The following ZFC3H1 variants were observed in gnomAD, a reference collection of about 807,000 sequenced individuals.
ZFC3H1 encodes zinc finger C3H1 domain-containing protein.
A neutral mutation model predicts 243.7 loss-of-function variants in ZFC3H1; 71 were observed. The ratio of observed to expected loss-of-function variants is 0.29; its 90% CI spans 0.24 to 0.36. The LOEUF is 0.36. Ranked by LOEUF, ZFC3H1 falls within the 10% of genes least tolerant of loss-of-function variation. ZFC3H1 has a pLI of 1.00. For missense variants in ZFC3H1, 1,966 were observed against 2,317.1 expected, an observed-to-expected ratio of 0.85 and a Z score of 3.11; for synonymous variants, 838 against 813.0, an observed-to-expected ratio of 1.03 and a Z score of -0.52.
At position 71,663,555 on chromosome 12, in the gene ZFC3H1, TC is replaced by T; in HGVS notation, c.55del (p.Glu19LysfsTer65). On this transcript the variant is annotated frameshift_variant, in exon 1 of 35. Transcript: ENST00000378743. LOFTEE classifies it high-confidence loss of function. ...GATTTCCCCATCTTCAAGCTCCCCT[TC>T]TTCCTTCGGCGAGAGGCCACTGGAG... is the stretch of plus-strand genomic sequence containing the variant. ...PASSGLSPKEEGELEDGEISD... is the reference protein window; with the variant it reads ...PASSGLSPKEXGELEDGEISD... The T allele has an allele frequency of 6.2e-7, 1 of 1,613,314 alleles. No individual in the cohort carries two copies. Among genetic ancestry groups the T allele is most frequent in the Non-Finnish European group, 8.5e-7 (1 of 1,180,032 alleles).
intron 6 of ZFC3H1, among the ~76,000 whole-genome samples, chr12:71,638,987 G>A (rs189000258): frequency 2.8e-4 from 43 of 152,276 alleles, no homozygotes; most frequent in African/African-American, 9.4e-4. Flanking sequence ...CATATAAGCT[G>A]TGTTGAAAGT....
chr12:71,612,650 A>G lies in ZFC3H1; in HGVS notation c.5627+685T>C, dbSNP rs573685253. ...CCTTTAAAACATAAGGGAACATTTC[A>G]TAAATATTTTAGGCATCTTATGATC... On this transcript the variant is annotated intron_variant, in intron 31 of 34. Transcript: ENST00000378743. Among the ~76,000 whole-genome samples the G allele has an allele frequency of 1.5e-4, 23 of 152,320 alleles. No individual in the cohort carries two copies. In the South Asian group the frequency reaches 4.8e-3, roughly 32 times the overall value.
intron 27 of ZFC3H1, among the ~76,000 whole-genome samples, chr12:71,617,549 C>T (rs1174885151): frequency 6.6e-6 from 1 of 152,138 alleles, no homozygotes; most frequent in Non-Finnish European, 1.5e-5. Flanking sequence ...CATTAGTTAC[C>T]AAGGCAGAAA....
At position 71,633,427 on chromosome 12, in the gene ZFC3H1, A is replaced by G; in HGVS notation, c.2522T>C (p.Met841Thr). The G allele has an allele frequency of 6.4e-7, 1 of 1,566,394 alleles. No homozygotes were observed. The highest frequency in any genetic ancestry group is 1.4e-5 in the African/African-American group (1 of 72,832). Residue 841 changes from methionine to threonine, a missense_variant, in exon 13 of 35, where the codon ATG becomes ACG. This residue lies in a region of ZFC3H1 where 1,383 missense variants were observed against 1,723.7 expected (regional missense o/e 0.80). Transcript: ENST00000378743. ...ATTCTTTAAAACAGATTCATCTTTCATCAAGAGAATCCTAAATGAGAAATA... is the reference window on the plus strand; with the variant it reads ...ATTCTTTAAAACAGATTCATCTTTCGTCAAGAGAATCCTAAATGAGAAATA... ...SKLKKHRILL[M>T]KDESVLKNLV...
rs772267609 is a variant in ZFC3H1, at chr12:71,636,510, G to A, written c.2080C>T (p.Leu694Phe). The change falls in exon 9 of 35, where the codon CTT becomes TTT. Residue 694 changes from leucine (L) to phenylalanine (F), a missense_variant. Physicochemically the swap from Leu to Phe is conservative, Grantham distance 22. Around this residue, in one of 4 missense-constraint regions of ZFC3H1, gnomAD observed 1,383 missense variants for 1,723.7 expected, o/e 0.80. Coordinates refer to ENST00000378743, the MANE Select transcript of ZFC3H1 (RefSeq NM_144982.5). ...QNPKFHRGPR[L>F]PRTVISLPKH... ...TTTACCGAGATCACAGTTCGTGGAA[G>A]ACGGGGTCCTCTGTGAAACTTTGGA... 49 of 1,607,162 alleles carry A rather than the reference G, an allele frequency of 3.0e-5. No homozygotes were observed. Among genetic ancestry groups the A allele is most frequent in the Non-Finnish European group, 4.1e-5 (48 of 1,177,642 alleles).
Position 71,663,278 on chromosome 12 carries a change from C to A in ZFC3H1, c.333G>T (p.Arg111=). ...GCATCCGTACAGAAGGCGGATGAGACCGGAACGGTTCTTTGGGTCGGTAGC... is the reference window on the plus strand; with the variant it reads ...GCATCCGTACAGAAGGCGGATGAGAACGGAACGGTTCTTTGGGTCGGTAGC... ...PSSYRPKEPF[R]SHPPSVRMPS... Residue 111 remains arginine, a synonymous_variant, in exon 1 of 35, where the codon CGG becomes CGT. Coordinates refer to ENST00000378743, the MANE Select transcript of ZFC3H1 (RefSeq NM_144982.5). 6.2e-7 allele frequency: 1 copy of A among 1,613,566 alleles called. No homozygotes were observed. The highest frequency in any genetic ancestry group is 8.5e-7 in the Non-Finnish European group (1 of 1,180,040).
At chr12:71,638,997 T>C (rs773944650) in intron 6 of ZFC3H1, among the ~76,000 whole-genome samples, 3 of 152,184 alleles carry the variant, frequency 2.0e-5, no homozygotes, top group Non-Finnish European at 4.4e-5. Flanking sequence ...GTGTTGAAAG[T>C]AAATAAAACT....
At chr12:71,662,001 T>A (rs574327112) in intron 1 of ZFC3H1, among the ~76,000 whole-genome samples, 10 of 152,364 alleles carry the variant, frequency 6.6e-5, no homozygotes, top group African/African-American at 2.2e-4. Context: ...GTCATTACTT[T>A]TAAGTTTCAT....
intron 19 of ZFC3H1, 138 bp from the exon 20 acceptor site, chr12:71,629,175 A>G: frequency 1.4e-6 from 1 of 700,798 alleles, no homozygotes; most frequent in Non-Finnish European, 2.1e-6. Flanking sequence ...TTTTTTTTTG[A>G]GATGGAAGTC....
At position 71,610,588 on chromosome 12, in the gene ZFC3H1, G is replaced by A. The variant is rs752486633; in HGVS notation, c.5833-23C>T. The A allele has an allele frequency of 9.3e-6, 15 of 1,612,806 alleles. No individual in the cohort carries two copies. The South Asian group carries it at 1.6e-4, about 18-fold the overall frequency. Reference sequence around the variant, plus strand: ...TTGCTGTAAAAGACAGGGAAGCATAGAAGTAAGACTTAGCTAGAGTTTGAG... The same window carrying A: ...TTGCTGTAAAAGACAGGGAAGCATAAAAGTAAGACTTAGCTAGAGTTTGAG... On this transcript the variant is annotated intron_variant, in intron 34 of 34. Coordinates refer to ENST00000378743, the MANE Select transcript of ZFC3H1 (RefSeq NM_144982.5).
intron 2 of ZFC3H1, among the ~76,000 whole-genome samples, chr12:71,652,640 G>A (rs957451531): frequency 5.3e-5 from 8 of 152,234 alleles, no homozygotes; most frequent in African/African-American, 1.9e-4. Flanking sequence ...TCCTTCCCGT[G>A]TTACTCCAGG....
At chr12:71,634,963 T>C in intron 10 of ZFC3H1, 138 bp from the exon 11 acceptor site, 1 of 1,084,388 alleles carries the variant, frequency 9.2e-7, no homozygotes. Context: ...TTTCTATTCT[T>C]TTTTCTAAAA....
intron 4 of ZFC3H1, among the ~76,000 whole-genome samples, chr12:71,644,653 C>T (rs1231938164): frequency 6.6e-6 from 1 of 152,008 alleles, no homozygotes; most frequent in Non-Finnish European, 1.5e-5. Context: ...CCCGTCTCTA[C>T]TAAAAATACA....
At position 71,626,223 on chromosome 12, in the gene ZFC3H1, C is replaced by T. The variant is rs544929202; in HGVS notation, c.4317+37G>A. 7 of 1,601,282 alleles carry T rather than the reference C, an allele frequency of 4.4e-6. No individual in the cohort carries two copies. In the African/African-American group the frequency reaches 8.0e-5, roughly 18 times the overall value. On this transcript the variant is annotated intron_variant, in intron 22 of 34. Coordinates refer to ENST00000378743, the MANE Select transcript of ZFC3H1 (RefSeq NM_144982.5). ...CCAAATAATTATACACACACACACA[C>T]ACACACACACACACGTACGTTATCT...
At chr12:71,628,843 G>A in intron 20 of ZFC3H1, 75 bp downstream of exon 20, 2 of 1,467,588 alleles carry the variant, frequency 1.4e-6, no homozygotes, top group South Asian at 1.5e-5. Context: ...TACACCAAAG[G>A]ATTAGCAAAG....
chr12:71,613,580 C>T (rs1419787214), intron 30 of ZFC3H1, 145 bp from the exon 31 acceptor site: 1 of 510,792 alleles, frequency 2.0e-6, no homozygotes, highest in African/African-American at 2.0e-5. Context: ...GTTACAGTTC[C>T]TACCATTAAT....
intron 27 of ZFC3H1, among the ~76,000 whole-genome samples, chr12:71,617,178 T>G (rs1879912583): frequency 6.6e-6 from 1 of 152,356 alleles, no homozygotes; most frequent in East Asian, 1.9e-4. Flanking sequence ...AGAGCAGATT[T>G]CTCCTATTAA....
At chr12:71,634,668 A>G (rs771877905) in intron 11 of ZFC3H1, 36 bp downstream of exon 11, 68 of 1,561,360 alleles carry the variant, frequency 4.4e-5, no homozygotes, top group Non-Finnish European at 5.8e-5. Context: ...AAAACATCAC[A>G]TACTTTTAAT....
intron 9 of ZFC3H1, 150 bp downstream of exon 9, chr12:71,636,340 A>C: frequency 3.9e-6 from 2 of 507,540 alleles, no homozygotes; most frequent in Non-Finnish European, 6.1e-6. Context: ...TATCATTAAT[A>C]AATTAAAAAT....
Sources: allele counts gnomAD v4.1 joint callset (sites outside exome capture counted in the v4.1 genomes callset), GRCh38; gene constraint gnomAD v4.1.1; regional missense constraint gnomAD v4.1.1; transcripts MANE v1.5; gene names NCBI Gene and HGNC (gene_info 2026-07-23, HGNC 2026-07-21).